Variants in ANKRD30B observed in about 807,000 individuals in gnomAD.
ANKRD30B encodes ankyrin repeat domain-containing protein 30B.
In ANKRD30B, 144 loss-of-function variants were observed where a neutral mutation model predicts 202.2. The observed-to-expected ratio is 0.71, with a 90% CI of 0.62 to 0.82. The LOEUF (loss-of-function observed/expected upper bound fraction) is 0.82, where lower values mean the gene tolerates loss of function less well. ANKRD30B is among the 40% of genes least tolerant of loss of function. The pLI is 0.00. For synonymous variants in ANKRD30B, 508 were observed against 561.3 expected, an observed-to-expected ratio of 0.91 and a Z score of 1.34; for missense variants, 1,487 against 1,669.1, an observed-to-expected ratio of 0.89 and a Z score of 1.90.
chr18:14,919,898 G>A, the ANKRD30B span, among the ~76,000 whole-genome samples: 3 of 152,318 alleles, frequency 2.0e-5, no homozygotes, highest in East Asian at 1.9e-4. Flanking sequence ...GCTAGAACAG[G>A]GCTTGCAGGT....
At chr18:14,931,014 T>C in the ANKRD30B span, among the ~76,000 whole-genome samples, 1 of 152,224 alleles carries the variant, frequency 6.6e-6, no homozygotes, top group Non-Finnish European at 1.5e-5. Context: ...AGTAGAGTTA[T>C]GCTGGCCCAG....
the ANKRD30B span, among the ~76,000 whole-genome samples, chr18:14,906,483 T>TTGA: frequency 1.3e-5 from 2 of 152,238 alleles, no homozygotes; most frequent in African/African-American, 4.8e-5. Context: ...AGGCCTGGGA[T>TTGA]TGATATGCTC....
intron 18 of ANKRD30B, 30 bp from the exon 19 acceptor site, chr18:14,797,631 A>C (rs1166165388): frequency 1.9e-6 from 3 of 1,594,020 alleles, no homozygotes; most frequent in African/African-American, 1.3e-5. Flanking sequence ...GCTTGCATAT[A>C]ATCAATTATA....
intron 28 of ANKRD30B, among the ~76,000 whole-genome samples, chr18:14,810,467 G>A (rs1462459937): frequency 1.3e-5 from 2 of 151,226 alleles, no homozygotes; most frequent in African/African-American, 4.9e-5. Context: ...TTTACGGCAG[G>A]TGAATTTTGA....
the ANKRD30B span, among the ~76,000 whole-genome samples, chr18:14,860,513 G>T: frequency 6.8e-6 from 1 of 146,044 alleles, no homozygotes; most frequent in East Asian, 2.0e-4. Flanking sequence ...GCTGGGCAGA[G>T]GGGCTCCCCA....
the ANKRD30B span, among the ~76,000 whole-genome samples, chr18:14,864,689 T>C: frequency 6.6e-6 from 1 of 150,978 alleles, no homozygotes; most frequent in East Asian, 2.0e-4. Flanking sequence ...CTCCTTCAAC[T>C]CCCAAAAACA....
chr18:14,810,797 G>T (rs1969872555), intron 28 of ANKRD30B, among the ~76,000 whole-genome samples: 1 of 151,014 alleles, frequency 6.6e-6, no homozygotes, highest in Non-Finnish European at 1.5e-5. Flanking sequence ...AATTTTTGTT[G>T]TCATTCCCAT....
intron 33 of ANKRD30B, among the ~76,000 whole-genome samples, chr18:14,828,683 A>G (rs1970767302): frequency 6.6e-6 from 1 of 152,194 alleles, no homozygotes; most frequent in South Asian, 2.1e-4. Flanking sequence ...CAATTCACAA[A>G]GTCACATTTT....
At chr18:14,847,050 T>TTATATATATATATA (rs56871571) in intron 39 of ANKRD30B, among the ~76,000 whole-genome samples, 4 of 111,108 alleles carry the variant, frequency 3.6e-5, no homozygotes, top group Non-Finnish European at 5.6e-5. Context: ...TGATTTAGTT[T>TTATATATATATATA]TATATATATA....
chr18:14,885,953 G>A, the ANKRD30B span, among the ~76,000 whole-genome samples: 2 of 151,686 alleles, frequency 1.3e-5, no homozygotes, highest in African/African-American at 4.8e-5. Flanking sequence ...TTTTTAAAAG[G>A]CTTACTCTGT....
At chr18:14,807,905 C>A (rs2144038748) in intron 24 of ANKRD30B, among the ~76,000 whole-genome samples, 1 of 150,874 alleles carries the variant, frequency 6.6e-6, no homozygotes, top group East Asian at 1.9e-4. Flanking sequence ...AGGACTAAAC[C>A]AGAGAACCCC....
Position 14,754,882 on chromosome 18 carries a change from G to A in ANKRD30B, c.511-17G>A, listed in dbSNP as rs920569279. 19 of 1,476,794 alleles carry A rather than the reference G, an allele frequency of 1.3e-5. No homozygotes were observed. Among genetic ancestry groups the A allele is most frequent in the Non-Finnish European group, 1.7e-5 (19 of 1,106,208 alleles). The allele number at this position is 1,476,794 out of a possible 1,614,324, so 91.5% of individuals were successfully genotyped here. ...TATGTAATTTCATGAATTATATATT[G>A]TTCTGCTATTTTACAGGCTAGCCTC... On this transcript the variant is annotated splice_polypyrimidine_tract_variant and intron_variant, in intron 3 of 43. Coordinates refer to ENST00000690538, the MANE Select transcript of ANKRD30B (RefSeq NM_001367607.2).
chr18:14,777,188 G>C (rs1316640318), intron 9 of ANKRD30B, among the ~76,000 whole-genome samples: 2 of 152,170 alleles, frequency 1.3e-5, no homozygotes, highest in Non-Finnish European at 2.9e-5. Context: ...AAGATAAAAG[G>C]TAAGTGTGAT....
chr18:14,842,073 AATTT>A (rs1477390775), intron 37 of ANKRD30B, among the ~76,000 whole-genome samples: 1 of 152,270 alleles, frequency 6.6e-6, no homozygotes, highest in Non-Finnish European at 1.5e-5. Flanking sequence ...AAAATTACAG[AATTT>A]ATTACTTGAA....
the ANKRD30B span, chr18:14,909,847 C>T: frequency 6.6e-6 from 1 of 152,062 alleles, no homozygotes; most frequent in African/African-American, 2.4e-5. Flanking sequence ...GCAAAGCACA[C>T]AATACTAGCA....
the ANKRD30B span, among the ~76,000 whole-genome samples, chr18:14,895,979 C>T: frequency 1.3e-5 from 2 of 152,128 alleles, no homozygotes; most frequent in Non-Finnish European, 2.9e-5. Flanking sequence ...ACTCATAGAA[C>T]TATACAAAGC....
chr18:14,861,480 C>T, the ANKRD30B span, among the ~76,000 whole-genome samples: 1 of 150,186 alleles, frequency 6.7e-6, no homozygotes, highest in Non-Finnish European at 1.5e-5. Flanking sequence ...ATTCTTGTAT[C>T]AGATAAAACA....
At chr18:14,883,332 T>G in the ANKRD30B span, among the ~76,000 whole-genome samples, 1 of 142,864 alleles carries the variant, frequency 7.0e-6, no homozygotes, top group Non-Finnish European at 1.6e-5. Flanking sequence ...TCTCTCTCTC[T>G]CTGTCTCTCT....
At chr18:14,845,269 T>A (rs1266761545) in intron 39 of ANKRD30B, among the ~76,000 whole-genome samples, 1 of 152,230 alleles carries the variant, frequency 6.6e-6, no homozygotes, top group East Asian at 1.9e-4. Context: ...AATTTTTGTA[T>A]AAGGTGTAAG....
Sources: allele counts gnomAD v4.1 joint callset (sites outside exome capture counted in the v4.1 genomes callset), GRCh38; gene constraint gnomAD v4.1.1; transcripts MANE v1.5; gene names NCBI Gene and HGNC (gene_info 2026-07-23, HGNC 2026-07-21).